The following CNOT1 variants were observed in gnomAD, a reference collection of about 807,000 sequenced individuals.
CNOT1 encodes the protein CCR4-associated factor 1.
In CNOT1, 15 loss-of-function variants were observed where a neutral mutation model predicts 273.8. That is an observed-to-expected ratio of 0.05 (90% CI 0.04 to 0.08). CNOT1 has a LOEUF of 0.08. Among genes scored for constraint, CNOT1 ranks in the 10% least tolerant of loss-of-function variants. The pLI is 1.00. For missense variants in CNOT1, 1,644 were observed against 2,912.2 expected (o/e 0.56, Z 10.02); for synonymous variants, 1,022 against 1,005.5 (o/e 1.02, Z -0.31).
intron 1 of CNOT1, among the ~76,000 whole-genome samples, chr16:58,625,328 C>A (rs1335299105): frequency 6.6e-6 from 1 of 151,632 alleles, no homozygotes; most frequent in South Asian, 2.1e-4. Context: ...GCCTGACTAA[C>A]GTGGTGAAAC....
At chr16:58,620,071 C>T (rs1054253451) in intron 1 of CNOT1, among the ~76,000 whole-genome samples, 1 of 152,064 alleles carries the variant, frequency 6.6e-6, no homozygotes, top group Non-Finnish European at 1.5e-5. Context: ...ACCAGAGTAT[C>T]GATTTCCAAG....
chr16:58,629,608 G>A (rs549768685), intron 1 of CNOT1, 120 bp downstream of exon 1: 1 of 152,750 alleles, frequency 6.5e-6, no homozygotes, highest in Non-Finnish European at 1.5e-5. Context: ...TCACTCCCTA[G>A]AGCTCCGGGA....
At chr16:58,543,086 C>G in intron 31 of CNOT1, 1 of 1,227,454 alleles carries the variant, frequency 8.1e-7, no homozygotes, top group Non-Finnish European at 1.0e-6. Flanking sequence ...GAGTGAGACC[C>G]TGTCTCATGA....
chr16:58,553,879 T>C lies in CNOT1; in HGVS notation c.2892-19A>G, dbSNP rs1214627214. 1.9e-6 allele frequency: 3 copies of C among 1,602,554 alleles called. No homozygotes were observed. Among genetic ancestry groups the C allele is most frequent in the Middle Eastern group, 3.3e-4 (2 of 6,038 alleles). On this transcript the variant is annotated intron_variant, in intron 21 of 48. Transcript: ENST00000317147. Reference sequence around the variant, plus strand: ...CTTCAATCTGCCAACAAAATTATTCTACCATCATTTCATGTCAGAACAGAA... The same window carrying C: ...CTTCAATCTGCCAACAAAATTATTCCACCATCATTTCATGTCAGAACAGAA...
chr16:58,627,185 G>A (rs989529351), intron 1 of CNOT1, among the ~76,000 whole-genome samples: 4 of 151,954 alleles, frequency 2.6e-5, no homozygotes, highest in Non-Finnish European at 4.4e-5. Context: ...GAGGCGGGTG[G>A]ATCATGAAGT....
intron 8 of CNOT1, 75 bp from the exon 9 acceptor site, chr16:58,583,257 A>T: frequency 6.3e-7 from 1 of 1,580,438 alleles, no homozygotes; most frequent in South Asian, 1.2e-5. Context: ...GCATTAAATG[A>T]ACCTTGTTTG....
At position 58,563,951 on chromosome 16, in the gene CNOT1, A is replaced by G. The variant is rs77863928; in HGVS notation, c.1980-3589T>C. ...AACACTGTATGTGATACAAAAGCGA[A>G]AACAATGCAAATTTCCACCAGTAGG... is the stretch of plus-strand genomic sequence containing the variant. On this transcript the variant is annotated intron_variant, in intron 16 of 48. Coordinates refer to ENST00000317147, the MANE Select transcript of CNOT1 (RefSeq NM_016284.5). 8.6e-4 allele frequency among the ~76,000 whole-genome samples: 131 copies of G among 152,330 alleles called. 3 individuals carry two copies. The East Asian group carries it at 0.02, about 23-fold the overall frequency.
chr16:58,569,800 G>C (rs1297555133), intron 16 of CNOT1, among the ~76,000 whole-genome samples: 1 of 152,040 alleles, frequency 6.6e-6, no homozygotes, highest in African/African-American at 2.4e-5. Flanking sequence ...TACAAGGAGA[G>C]AAGAAAAAGG....
chr16:58,554,283 T>C (rs1184325512), intron 21 of CNOT1, among the ~76,000 whole-genome samples: 3 of 151,512 alleles, frequency 2.0e-5, no homozygotes, highest in African/African-American at 4.9e-5. Flanking sequence ...TCTGTGTAAA[T>C]GGCATTCTAG....
intron 19 of CNOT1, 46 bp downstream of exon 19, chr16:58,556,801 T>C (rs1393244072): frequency 6.3e-6 from 10 of 1,597,710 alleles, no homozygotes; most frequent in South Asian, 1.1e-5. Flanking sequence ...CAACTAAACA[T>C]TTTTATCAGT....
At chr16:58,550,210 T>A (rs1255903708) in intron 24 of CNOT1, among the ~76,000 whole-genome samples, 2 of 152,246 alleles carry the variant, frequency 1.3e-5, no homozygotes, top group South Asian at 4.1e-4. Flanking sequence ...ATACCTACAG[T>A]GTAACCAAGA....
At chr16:58,625,590 A>C (rs1016439571) in intron 1 of CNOT1, among the ~76,000 whole-genome samples, 5 of 152,144 alleles carry the variant, frequency 3.3e-5, no homozygotes, top group Admixed American at 3.3e-4. Context: ...AAGCTGAGGC[A>C]GGAGAATCAC....
At chr16:58,584,622 G>A (rs1167075258) in intron 8 of CNOT1, among the ~76,000 whole-genome samples, 4 of 152,038 alleles carry the variant, frequency 2.6e-5, no homozygotes, top group African/African-American at 9.7e-5. Context: ...ATGAGCCACC[G>A]TGCCCAGCCT....
At chr16:58,592,750 G>C (rs1198129359) in intron 2 of CNOT1, among the ~76,000 whole-genome samples, 5 of 152,182 alleles carry the variant, frequency 3.3e-5, no homozygotes, top group Non-Finnish European at 7.3e-5. Flanking sequence ...TGATGAATCT[G>C]CAACACCAAT....
chr16:58,568,896 C>T (rs1338105594), intron 16 of CNOT1, among the ~76,000 whole-genome samples: 1 of 152,056 alleles, frequency 6.6e-6, no homozygotes, highest in Non-Finnish European at 1.5e-5. Flanking sequence ...AAAAAAAGGG[C>T]AATAACGAAC....
rs968569086 is a variant in CNOT1, at chr16:58,523,400, T to C, written c.6887A>G (p.Asn2296Ser). The C allele has an allele frequency of 6.2e-7, 1 of 1,613,902 alleles. No homozygotes were observed. Residue 2296 changes from asparagine (N) to serine (S), a missense_variant, in exon 47 of 49, where the codon AAT becomes AGT. Physicochemically the swap from Asn to Ser is conservative, Grantham distance 46 (BLOSUM62 1). Transcript: ENST00000317147. Reference sequence around the variant, plus strand: ...GATCTGTTCTTGGATGGCTTCCGTATTGGCCTCTGCAAAAAGGTACAGCAT... The same window carrying C: ...GATCTGTTCTTGGATGGCTTCCGTACTGGCCTCTGCAAAAAGGTACAGCAT... Reference protein sequence around the residue: ...CTMLYLFAEANTEAIQEQITR... With the variant: ...CTMLYLFAEASTEAIQEQITR...
chr16:58,612,911 A>T (rs906991109), intron 1 of CNOT1, among the ~76,000 whole-genome samples: 1 of 152,172 alleles, frequency 6.6e-6, no homozygotes, highest in African/African-American at 2.4e-5. Context: ...GAATTGGTCT[A>T]AGCACTTTAC....
At chr16:58,577,384 T>C (rs558474737) in intron 13 of CNOT1, among the ~76,000 whole-genome samples, 1 of 152,208 alleles carries the variant, frequency 6.6e-6, no homozygotes, top group Admixed American at 6.5e-5. Context: ...ATGTTTATCA[T>C]GCATTTTGTA....
At position 58,528,798 on chromosome 16, in the gene CNOT1, TCA is replaced by T. The variant is rs1440613733; in HGVS notation, c.6280-152_6280-151del. On this transcript the variant is annotated intron_variant, in intron 43 of 48. Transcript: ENST00000317147. ...AAGTTTTAGGCTTTAATTAACATTA[TCA>T]CAGATGATTTATCAAATATTTCCAT... 1.9e-5 allele frequency: 11 copies of T among 571,752 alleles called. No homozygotes were observed. The Admixed American group carries it at 3.5e-4, about 18-fold the overall frequency. 35.4% of individuals were successfully genotyped at this position (571,752 alleles called of 1,614,324 possible).
Sources: allele counts gnomAD v4.1 joint callset (sites outside exome capture counted in the v4.1 genomes callset), GRCh38; gene constraint gnomAD v4.1.1; transcripts MANE v1.5; gene names NCBI Gene and HGNC (gene_info 2026-07-23, HGNC 2026-07-21).